The following XYLT1 variants were observed in gnomAD, a reference collection of about 807,000 sequenced individuals.
The protein encoded by XYLT1 is xylosyltransferase 1.
In XYLT1, 36 loss-of-function variants were observed where a neutral mutation model predicts 91.3. That is an observed-to-expected ratio of 0.39 (90% CI 0.30 to 0.52). The LOEUF (loss-of-function observed/expected upper bound fraction) is 0.52, where lower values mean the gene tolerates loss of function less well. Ranked by LOEUF, XYLT1 falls within the 20% of genes least tolerant of loss-of-function variation. The pLI, the probability that XYLT1 is intolerant of heterozygous loss-of-function variation, is 0.68. For synonymous variants in XYLT1, 588 were observed against 532.0 expected (o/e 1.11, Z -1.45); for missense variants, 1,242 against 1,284.5 (o/e 0.97, Z 0.51).
intron 2 of XYLT1, among the ~76,000 whole-genome samples, chr16:17,293,491 CTTTT>C (rs548581536): frequency 7.6e-5 from 9 of 119,100 alleles, no homozygotes; most frequent in African/African-American, 9.1e-5. Context: ...TTTCTCCCTC[CTTTT>C]TTTTTTTTTT....
intron 1 of XYLT1, among the ~76,000 whole-genome samples, chr16:17,394,041 C>T (rs1189183033): frequency 6.6e-6 from 1 of 152,170 alleles, no homozygotes; most frequent in African/African-American, 2.4e-5. Context: ...TCCCAAAGTG[C>T]TGGCATTACA....
intron 2 of XYLT1, among the ~76,000 whole-genome samples, chr16:17,292,114 A>C (rs1275170863): frequency 7.3e-6 from 1 of 136,626 alleles, no homozygotes; most frequent in Non-Finnish European, 1.7e-5. Flanking sequence ...ACATATACAC[A>C]TATATATCTG....
intron 3 of XYLT1, among the ~76,000 whole-genome samples, chr16:17,205,198 T>G (rs960028998): frequency 6.6e-6 from 1 of 152,228 alleles, no homozygotes; most frequent in African/African-American, 2.4e-5. Context: ...AGTAGATAGC[T>G]GTGCTGTGTT....
At position 17,141,145 on chromosome 16, in the gene XYLT1, A is replaced by T. The variant is rs201668780; in HGVS notation, c.1587+8T>A. On this transcript the variant is annotated splice_region_variant and intron_variant, in intron 7 of 11. Coordinates refer to ENST00000261381, the MANE Select transcript of XYLT1 (RefSeq NM_022166.4). ...ATCTTTCTTGGGAAAATTTTCCCAG[A>T]TACTCACCTCAGCAGGAAGCAGGGT... The T allele has an allele frequency of 1.9e-6, 3 of 1,611,890 alleles. No individual in the cohort carries two copies. The highest frequency in any genetic ancestry group is 2.5e-6 in the Non-Finnish European group (3 of 1,178,272).
At chr16:17,247,026 T>C (rs1277287975) in intron 3 of XYLT1, among the ~76,000 whole-genome samples, 2 of 152,062 alleles carry the variant, frequency 1.3e-5, no homozygotes, top group Non-Finnish European at 1.5e-5. Context: ...GGCATTGATA[T>C]GAATTCCTAG....
intron 3 of XYLT1, among the ~76,000 whole-genome samples, chr16:17,224,553 T>G (rs560165188): frequency 1.9e-4 from 29 of 152,368 alleles, no homozygotes; most frequent in South Asian, 8.3e-4. Context: ...CTTTATACTT[T>G]CAAGTCAGGC....
chr16:17,102,276 G>T lies in XYLT1; in HGVS notation c.*6419C>A, dbSNP rs1966714380. On this transcript the variant is annotated 3_prime_UTR_variant, in exon 12 of 12. Transcript: ENST00000261381. ...AGATGACAGAAGAGAATATGAGATTGTGTAAAGATGCACAATGTTGCTGAA... is the reference window on the plus strand; with the variant it reads ...AGATGACAGAAGAGAATATGAGATTTTGTAAAGATGCACAATGTTGCTGAA... 1 of 152,634 alleles carries T rather than the reference G, an allele frequency of 6.6e-6. No homozygotes were observed. The highest frequency in any genetic ancestry group is 1.5e-5 in the Non-Finnish European group (1 of 68,040). 9.5% of individuals were successfully genotyped at this position (152,634 alleles called of 1,614,324 possible).
At chr16:17,414,046 G>T (rs1596533569) in intron 1 of XYLT1, among the ~76,000 whole-genome samples, 1 of 152,190 alleles carries the variant, frequency 6.6e-6, no homozygotes, top group East Asian at 1.9e-4. Flanking sequence ...CTTTCCTGTG[G>T]GAACCCCAGT....
chr16:17,470,661 G>A lies in XYLT1; in HGVS notation c.136C>T (p.Arg46Cys), dbSNP rs1410344933. Residue 46 changes from arginine (R) to cysteine (C), a missense_variant, in exon 1 of 12, where the codon CGC (arginine) becomes TGC (cysteine). Coordinates refer to ENST00000261381, the MANE Select transcript of XYLT1 (RefSeq NM_022166.4). ...CCGCCGCCGACCGCTGCGCCCCCGC[G>A]GCGCTCCCCGGCCCCGGAGTCGAGG... ...SSLDSGAGER[R>C]GGAAVGGGEQ... is the part of the protein sequence containing the mutation. The A allele has an allele frequency of 2.6e-6, 3 of 1,133,562 alleles. No homozygotes were observed. Among genetic ancestry groups the A allele is most frequent in the African/African-American group, 1.7e-5 (1 of 59,296 alleles). 70.2% of individuals were successfully genotyped at this position (1,133,562 alleles called of 1,614,324 possible). A position where few individuals can be genotyped will look rare whatever the true frequency, so the allele number is the denominator to read the frequency against.
At chr16:17,270,340 C>T (rs926877773) in intron 2 of XYLT1, among the ~76,000 whole-genome samples, 1 of 152,208 alleles carries the variant, frequency 6.6e-6, no homozygotes, top group African/African-American at 2.4e-5. Flanking sequence ...CCCAGCAAAG[C>T]GTGCTCAGAG....
chr16:17,394,317 G>A lies in XYLT1; in HGVS notation c.364-36267C>T, dbSNP rs569408434. Among the ~76,000 whole-genome samples, 76 of 152,274 alleles carry A rather than the reference G, an allele frequency of 5.0e-4. 2 individuals are homozygous for A. In the South Asian group the frequency reaches 0.013, roughly 26 times the overall value. On this transcript the variant is annotated intron_variant, in intron 1 of 11. Coordinates refer to ENST00000261381, the MANE Select transcript of XYLT1 (RefSeq NM_022166.4). Reference sequence around the variant, plus strand: ...GTCACCCACCACAGCAGCGATCACCGTTGCAGTTCACGGAGAACAGATTTC... The same window carrying A: ...GTCACCCACCACAGCAGCGATCACCATTGCAGTTCACGGAGAACAGATTTC...
intron 1 of XYLT1, among the ~76,000 whole-genome samples, chr16:17,379,761 T>TCACACACACACACACA (rs1466780792): frequency 5.0e-4 from 59 of 117,718 alleles, no homozygotes; most frequent in African/African-American, 2.1e-3. Context: ...TCTCTCTCTC[T>TCACACACACACACACA]CTCACACACA....
intron 1 of XYLT1, among the ~76,000 whole-genome samples, chr16:17,464,956 C>A (rs2036870010): frequency 6.6e-6 from 1 of 151,586 alleles, no homozygotes; most frequent in African/African-American, 2.4e-5. Context: ...AGCAGCCTGG[C>A]CAACATGGTG....
At chr16:17,263,603 T>A (rs183150625) in intron 2 of XYLT1, among the ~76,000 whole-genome samples, 3 of 152,050 alleles carry the variant, frequency 2.0e-5, no homozygotes, top group African/African-American at 7.2e-5. Flanking sequence ...AGAGGCGCAG[T>A]CAGCGAGAAT....
At position 17,273,884 on chromosome 16, in the gene XYLT1, C is replaced by T. The variant is rs541660134; in HGVS notation, c.403-14386G>A. Among the ~76,000 whole-genome samples the T allele has an allele frequency of 5.3e-5, 8 of 151,050 alleles. No homozygotes were observed. The East Asian group carries it at 1.4e-3, about 26-fold the overall frequency. ...AAATTGAGAAGTGCTAATGTTGTTG[C>T]ACCCATCATTCATTCGGTCAGTCAG... On this transcript the variant is annotated intron_variant, in intron 2 of 11. Transcript: ENST00000261381.
Position 17,107,168 on chromosome 16 carries a change from T to C in XYLT1, c.*1527A>G, listed in dbSNP as rs1458059886. ...CCATTGCCAACAGGACACCCTGCCT[T>C]GCGAGGCTTGGGATGGGGCAACACA... On this transcript the variant is annotated 3_prime_UTR_variant, in exon 12 of 12. Coordinates refer to ENST00000261381, the MANE Select transcript of XYLT1 (RefSeq NM_022166.4). 6.6e-6 allele frequency: 1 copy of C among 152,182 alleles called. No individual in the cohort carries two copies. Among genetic ancestry groups the C allele is most frequent in the African/African-American group, 2.4e-5 (1 of 41,440 alleles). The allele number at this position is 152,182 out of a possible 1,614,324, so 9.4% of individuals were successfully genotyped here.
At chr16:17,435,850 T>C (rs1278572574) in intron 1 of XYLT1, among the ~76,000 whole-genome samples, 2 of 152,176 alleles carry the variant, frequency 1.3e-5, no homozygotes, top group Admixed American at 6.5e-5. Flanking sequence ...GTATGTACTA[T>C]AGGAGGCATG....
intron 2 of XYLT1, among the ~76,000 whole-genome samples, chr16:17,295,519 A>T (rs2141804174): frequency 6.6e-6 from 1 of 151,976 alleles, no homozygotes; most frequent in Admixed American, 6.6e-5. Flanking sequence ...CCATGCCCAG[A>T]CAATTTTTGT....
At chr16:17,285,496 T>A (rs890345159) in intron 2 of XYLT1, among the ~76,000 whole-genome samples, 1 of 152,174 alleles carries the variant, frequency 6.6e-6, no homozygotes, top group Non-Finnish European at 1.5e-5. Flanking sequence ...TCCTGCCCCA[T>A]GACTGTCTCA....
Sources: allele counts gnomAD v4.1 joint callset (sites outside exome capture counted in the v4.1 genomes callset), GRCh38; gene constraint gnomAD v4.1.1; transcripts MANE v1.5; gene names NCBI Gene and HGNC (gene_info 2026-07-23, HGNC 2026-07-21).